Variants in DLGAP1 observed in about 807,000 individuals in gnomAD.
DLGAP1 encodes DLG associated protein 1.
In DLGAP1, 11 loss-of-function variants were observed where a neutral mutation model predicts 90.8. That is an observed-to-expected ratio of 0.12 (90% CI 0.08 to 0.20). The LOEUF (loss-of-function observed/expected upper bound fraction) is 0.20, where lower values mean the gene tolerates loss of function less well. Ranked by LOEUF, DLGAP1 falls within the 10% of genes least tolerant of loss-of-function variation. The probability of loss-of-function intolerance (pLI) is 1.00; values close to 1 mark genes in which losing one functional copy is unlikely to be tolerated. For missense variants in DLGAP1, 1,050 were observed against 1,333.8 expected (o/e 0.79, Z 3.31); for synonymous variants, 558 against 540.7 (o/e 1.03, Z -0.44).
At chr18:4,045,208 G>T (rs991623349) in intron 2 of DLGAP1, among the ~76,000 whole-genome samples, 1 of 151,618 alleles carries the variant, frequency 6.6e-6, no homozygotes, top group Non-Finnish European at 1.5e-5. Context: ...CACCTTTCTT[G>T]CCTTAGGAGC....
chr18:4,369,474 T>A (rs995442481), intron 1 of DLGAP1, among the ~76,000 whole-genome samples: 8 of 152,186 alleles, frequency 5.3e-5, no homozygotes, highest in South Asian at 2.1e-4. Flanking sequence ...TCTTTTTTTT[T>A]AAATTTAAAT....
chr18:4,039,530 AT>A (rs1282904493), intron 2 of DLGAP1, among the ~76,000 whole-genome samples: 1 of 152,236 alleles, frequency 6.6e-6, no homozygotes, highest in Non-Finnish European at 1.5e-5. Context: ...GAAGCAAAAT[AT>A]AAAAAAATCA....
At chr18:4,178,222 C>T (rs1196528419) in intron 1 of DLGAP1, among the ~76,000 whole-genome samples, 1 of 150,190 alleles carries the variant, frequency 6.7e-6, no homozygotes, top group Admixed American at 6.7e-5. Context: ...CACACACACA[C>T]ACACACACAC....
At chr18:4,169,788 A>C (rs116527507) in intron 1 of DLGAP1, among the ~76,000 whole-genome samples, 2,651 of 152,290 alleles carry the variant, frequency 0.017, 80 homozygotes, top group African/African-American at 0.061. Flanking sequence ...TCTCTTCTTC[A>C]TAGTTGTGCC....
At chr18:4,413,680 A>C (rs2082830942) in intron 1 of DLGAP1, among the ~76,000 whole-genome samples, 1 of 152,230 alleles carries the variant, frequency 6.6e-6, no homozygotes. Flanking sequence ...CATAGGCAGA[A>C]ATAAAATCTA....
At chr18:3,845,143 T>C in intron 4 of DLGAP1, 1 of 1,508,080 alleles carries the variant, frequency 6.6e-7, no homozygotes, top group East Asian at 2.3e-5. Flanking sequence ...TCCAGTATGT[T>C]AAAAGAAAGA....
At chr18:3,695,402 G>T (rs1443210453) in intron 7 of DLGAP1, among the ~76,000 whole-genome samples, 3 of 152,174 alleles carry the variant, frequency 2.0e-5, no homozygotes, top group Non-Finnish European at 4.4e-5. Context: ...AAGGGGTCCA[G>T]TTTCAGTTCT....
At chr18:3,735,982 T>C (rs2062621634) in intron 6 of DLGAP1, among the ~76,000 whole-genome samples, 1 of 151,784 alleles carries the variant, frequency 6.6e-6, no homozygotes, top group African/African-American at 2.4e-5. Flanking sequence ...GCACACACCA[T>C]GCCACATGCA....
intron 1 of DLGAP1, among the ~76,000 whole-genome samples, chr18:4,355,959 T>C (rs535859900): frequency 6.6e-6 from 1 of 151,622 alleles, no homozygotes; most frequent in Admixed American, 6.6e-5. Context: ...GCTCCAATCA[T>C]AGCTCTGATT....
chr18:4,216,592 TAG>T (rs1291084381), intron 1 of DLGAP1, among the ~76,000 whole-genome samples: 1 of 152,130 alleles, frequency 6.6e-6, no homozygotes, highest in Admixed American at 6.6e-5. Flanking sequence ...GATTGAATCG[TAG>T]AGTTACCTTG....
At chr18:4,148,921 C>G (rs942852915) in intron 2 of DLGAP1, among the ~76,000 whole-genome samples, 2 of 152,156 alleles carry the variant, frequency 1.3e-5, no homozygotes, top group Non-Finnish European at 2.9e-5. Flanking sequence ...GTCCTCATGT[C>G]AAAACAAAAC....
chr18:3,514,421 T>A (rs976321154), intron 10 of DLGAP1, among the ~76,000 whole-genome samples: 2 of 152,222 alleles, frequency 1.3e-5, no homozygotes, highest in African/African-American at 2.4e-5. Flanking sequence ...CAGACACCCC[T>A]GCAATGGATT....
chr18:3,700,695 T>C (rs568830078), intron 7 of DLGAP1, among the ~76,000 whole-genome samples: 2 of 151,970 alleles, frequency 1.3e-5, no homozygotes, highest in African/African-American at 4.8e-5. Context: ...CTGCAAGCTC[T>C]ACCTCCCAGG....
At chr18:3,551,842 A>G (rs2053495356) in intron 9 of DLGAP1, among the ~76,000 whole-genome samples, 1 of 148,816 alleles carries the variant, frequency 6.7e-6, no homozygotes, top group Non-Finnish European at 1.5e-5. Context: ...GCAGTGGCAC[A>G]ATCTCAGCTC....
chr18:3,579,179 G>T (rs1393259527), intron 8 of DLGAP1, among the ~76,000 whole-genome samples: 3 of 152,166 alleles, frequency 2.0e-5, no homozygotes, highest in Non-Finnish European at 4.4e-5. Context: ...AATGTCCTTA[G>T]TGCCACTGAA....
chr18:4,274,659 T>C (rs1000968940), intron 1 of DLGAP1, among the ~76,000 whole-genome samples: 1 of 152,224 alleles, frequency 6.6e-6, no homozygotes, highest in African/African-American at 2.4e-5. Context: ...ATTTAAATCA[T>C]TGCAGAAACT....
intron 1 of DLGAP1, among the ~76,000 whole-genome samples, chr18:4,214,074 C>G (rs1268973453): frequency 2.0e-5 from 3 of 152,138 alleles, no homozygotes; most frequent in Non-Finnish European, 4.4e-5. Flanking sequence ...GAGGACAATG[C>G]TTCCAAGATG....
chr18:3,638,987 C>A (rs979860723), intron 7 of DLGAP1, among the ~76,000 whole-genome samples: 3 of 152,132 alleles, frequency 2.0e-5, no homozygotes, highest in Non-Finnish European at 4.4e-5. Context: ...GTGATAAATC[C>A]ACAAGAACTC....
chr18:4,258,780 T>C (rs571210222), intron 1 of DLGAP1, among the ~76,000 whole-genome samples: 22 of 152,250 alleles, frequency 1.4e-4, no homozygotes, highest in African/African-American at 5.1e-4. Context: ...ATCAGCAAAA[T>C]AAAGGAGATG....
Sources: allele counts gnomAD v4.1 joint callset (sites outside exome capture counted in the v4.1 genomes callset), GRCh38; gene constraint gnomAD v4.1.1; transcripts MANE v1.5; gene names NCBI Gene and HGNC (gene_info 2026-07-23, HGNC 2026-07-21).